Variants in CNGB1 observed in about 807,000 individuals in gnomAD.
CNGB1 encodes the protein cyclic nucleotide-gated channel beta-1.
A neutral mutation model predicts 151.7 loss-of-function variants in CNGB1; 126 were observed. The ratio of observed to expected loss-of-function variants is 0.83; its 90% confidence interval spans 0.72 to 0.96. The LOEUF is 0.96. Among genes scored for constraint, CNGB1 ranks in the 40% least tolerant of loss-of-function variants. The pLI is 0.00. For missense variants in CNGB1, 1,698 were observed against 1,627.0 expected (o/e 1.04, Z -0.75); for synonymous variants, 623 against 635.1 (o/e 0.98, Z 0.29).
chr16:57,912,800 TTGTG>T (rs751197537), intron 24 of CNGB1, 126 bp downstream of exon 24: 23 of 907,538 alleles, frequency 2.5e-5, no homozygotes, highest in Non-Finnish European at 3.9e-5. Flanking sequence ...TGTGTGTATG[TTGTG>T]TGTGTGTTGT....
chr16:57,957,528 G>C, intron 11 of CNGB1, 151 bp from the exon 12 acceptor site: 1 of 727,422 alleles, frequency 1.4e-6, no homozygotes, highest in African/African-American at 1.7e-5. Flanking sequence ...GCTGTGCCCA[G>C]GGCCAATGAA....
intron 27 of CNGB1, 64 bp from the exon 28 acceptor site, chr16:57,901,689 G>T: frequency 7.4e-7 from 1 of 1,356,800 alleles, no homozygotes. Context: ...ATACATACCG[G>T]CCAAGTGCCC....
At chr16:57,908,235 C>T (rs922978469) in intron 25 of CNGB1, among the ~76,000 whole-genome samples, 7 of 152,250 alleles carry the variant, frequency 4.6e-5, no homozygotes, top group African/African-American at 1.4e-4. Flanking sequence ...GGGCAGGGCT[C>T]ATGGCAGAAG....
intron 19 of CNGB1, 146 bp downstream of exon 19, chr16:57,920,241 A>C: frequency 1.1e-6 from 1 of 880,856 alleles, no homozygotes; most frequent in South Asian, 1.6e-5. Context: ...GTACATATGG[A>C]TCCCAAATCC....
intron 25 of CNGB1, among the ~76,000 whole-genome samples, chr16:57,905,334 GC>G (rs1229115521): frequency 6.6e-6 from 1 of 151,502 alleles, no homozygotes; most frequent in Non-Finnish European, 1.5e-5. Flanking sequence ...TTTCTGACCC[GC>G]CCCTACCCGG....
intron 2 of CNGB1, 41 bp downstream of exon 2, chr16:57,967,087 C>T (rs754539050): frequency 6.2e-7 from 1 of 1,613,640 alleles, no homozygotes; most frequent in Non-Finnish European, 8.5e-7. Context: ...AGACCCTGAG[C>T]AGCGAGGCCG....
intron 18 of CNGB1, 57 bp downstream of exon 18, chr16:57,923,216 A>G: frequency 9.9e-7 from 1 of 1,014,458 alleles, no homozygotes; most frequent in Non-Finnish European, 1.5e-6. Flanking sequence ...TAGCCCCCCC[A>G]CATCCCCCAC....
intron 20 of CNGB1, among the ~76,000 whole-genome samples, chr16:57,918,106 T>G (rs1960927802): frequency 1.5e-5 from 2 of 135,210 alleles, no homozygotes; most frequent in South Asian, 5.2e-4. Context: ...CCAGATCATC[T>G]GGTTATTTAT....
At chr16:57,932,130 C>T (rs892756191) in intron 16 of CNGB1, among the ~76,000 whole-genome samples, 1 of 152,200 alleles carries the variant, frequency 6.6e-6, no homozygotes, top group African/African-American at 2.4e-5. Context: ...ACCACGGGAG[C>T]TCCCCTACAC....
chr16:57,897,574 T>G, intron 30 of CNGB1, 31 bp from the exon 31 acceptor site: 6 of 1,613,326 alleles, frequency 3.7e-6, no homozygotes, highest in Non-Finnish European at 5.1e-6. Context: ...AGGAGGCCCT[T>G]CAGAGACTGC....
At position 57,931,793 on chromosome 16, in the gene CNGB1, G is replaced by C. The variant is rs1471139877; in HGVS notation, c.1458C>G (p.Pro486=). Residue 486 remains proline, a synonymous_variant, in exon 17 of 33, where the codon CCC becomes CCG. Coordinates refer to ENST00000251102, the MANE Select transcript of CNGB1 (RefSeq NM_001297.5). ...GAGACGGTGGCGGCAACACGGTTGA[G>C]GGTGGATTCTCTTCTGCCATGAGGG... ...SCPLMAEENP[P]STVLPPPSPA... is the part of the protein sequence containing the mutation. The C allele has an allele frequency of 2.5e-6, 4 of 1,614,028 alleles. No individual in the cohort carries two copies. Among genetic ancestry groups the C allele is most frequent in the Non-Finnish European group, 2.5e-6 (3 of 1,180,040 alleles).
intron 25 of CNGB1, 81 bp from the exon 26 acceptor site, chr16:57,904,956 G>A (rs1960506092): frequency 1.3e-6 from 2 of 1,545,928 alleles, no homozygotes; most frequent in Admixed American, 1.7e-5. Flanking sequence ...AGACGCCTCT[G>A]ATAGATGCAT....
chr16:57,923,433 G>GC (rs1961103057), intron 17 of CNGB1, 53 bp from the exon 18 acceptor site: 1 of 1,429,192 alleles, frequency 7.0e-7, no homozygotes, highest in East Asian at 2.3e-5. Context: ...AGGCCCCAGG[G>GC]AGAAGTGTCA....
chr16:57,895,597 G>C (rs1185277494), intron 31 of CNGB1, among the ~76,000 whole-genome samples: 2 of 150,892 alleles, frequency 1.3e-5, no homozygotes, highest in East Asian at 3.9e-4. Flanking sequence ...GTGTGTATGT[G>C]GGTGTGTTTC....
chr16:57,970,438 G>A (rs529627663), intron 1 of CNGB1, among the ~76,000 whole-genome samples: 4 of 152,318 alleles, frequency 2.6e-5, no homozygotes, highest in South Asian at 4.1e-4. Context: ...CAACAGAATC[G>A]CCTGAAGCAG....
rs371348182 is a variant in CNGB1, at chr16:57,897,388, G to A, written c.3242+9C>T. 1 of 1,613,104 alleles carries A rather than the reference G, an allele frequency of 6.2e-7. No homozygotes were observed. The highest frequency in any genetic ancestry group is 8.5e-7 in the Non-Finnish European group (1 of 1,179,496). ...CAATTTTTTATTAAACGAAAGAAAA[G>A]TTACATACCTGGCTTTCTTCCGGAG... On this transcript the variant is annotated intron_variant, in intron 31 of 32. Transcript: ENST00000251102.
chr16:57,897,176 C>A (rs1033721985), intron 31 of CNGB1, among the ~76,000 whole-genome samples: 1 of 151,788 alleles, frequency 6.6e-6, no homozygotes, highest in African/African-American at 2.4e-5. Context: ...GTGGTACGTG[C>A]CTATAGTCCC....
At chr16:57,959,177 G>A (rs1410623384) in intron 10 of CNGB1, among the ~76,000 whole-genome samples, 1 of 152,100 alleles carries the variant, frequency 6.6e-6, no homozygotes, top group Non-Finnish European at 1.5e-5. Context: ...TGGCAAAAGA[G>A]TGAAAACAAA....
In CNGB1 at chr16:57,949,327, C is replaced by T. The variant is rs766231596; in HGVS notation, c.1121+26G>A. The T allele has an allele frequency of 2.4e-5, 39 of 1,605,684 alleles. No individual in the cohort carries two copies. The South Asian group carries it at 3.3e-4, about 14-fold the overall frequency. ...AGCCAACCCCAGCCCCAGGGCCGTT[C>T]CCAGACAGGTGAGCAAATGACTTAC... On this transcript the variant is annotated intron_variant, in intron 14 of 32. Transcript: ENST00000251102.
Sources: allele counts gnomAD v4.1 joint callset (sites outside exome capture counted in the v4.1 genomes callset), GRCh38; gene constraint gnomAD v4.1.1; transcripts MANE v1.5; gene names NCBI Gene and HGNC (gene_info 2026-07-23, HGNC 2026-07-21).